TEAD1: variants seen among roughly 807,000 people sequenced by gnomAD.
TEAD1 encodes the protein TEA domain transcription factor 1.
TEAD1 carries 9 observed loss-of-function variants against 54.9 expected under a neutral mutation model. That is an observed-to-expected ratio of 0.16 (90% confidence interval 0.10 to 0.29). The LOEUF (loss-of-function observed/expected upper bound fraction) is 0.29, where lower values mean the gene tolerates loss of function less well. Among genes scored for constraint, TEAD1 ranks in the 10% least tolerant of loss-of-function variants. TEAD1 has a pLI of 1.00. For missense variants in TEAD1, 387 were observed against 535.9 expected (o/e 0.72, Z 2.74); for synonymous variants, 200 against 187.8 (o/e 1.07, Z -0.53).
chr11:12,871,531 T>C (rs1462334350), intron 5 of TEAD1, among the ~76,000 whole-genome samples: 2 of 152,232 alleles, frequency 1.3e-5, no homozygotes, highest in Non-Finnish European at 2.9e-5. Context: ...TAGAGTTCCA[T>C]GCAGGAGTCT....
chr11:12,932,421 G>C (rs923202679), intron 12 of TEAD1, among the ~76,000 whole-genome samples: 14 of 152,046 alleles, frequency 9.2e-5, no homozygotes, highest in African/African-American at 3.1e-4. Flanking sequence ...TCTTGGGGGG[G>C]AGTCTTAGCT....
chr11:12,745,004 G>A (rs1456770257), intron 2 of TEAD1, among the ~76,000 whole-genome samples: 4 of 152,108 alleles, frequency 2.6e-5, no homozygotes, highest in Admixed American at 1.3e-4. Context: ...AAGGTTACCT[G>A]TGGCTCTCCA....
intron 3 of TEAD1, among the ~76,000 whole-genome samples, chr11:12,831,920 A>C (rs1946792216): frequency 6.6e-6 from 1 of 152,120 alleles, no homozygotes; most frequent in Non-Finnish European, 1.5e-5. Flanking sequence ...TGCACTTTTA[A>C]TTGATATGCC....
intron 3 of TEAD1, among the ~76,000 whole-genome samples, chr11:12,842,670 C>A (rs1947064889): frequency 6.6e-6 from 1 of 152,088 alleles, no homozygotes; most frequent in South Asian, 2.1e-4. Context: ...AAGGCCGTTT[C>A]CTTTTTTTCA....
chr11:12,734,870 G>A (rs1944496466), intron 2 of TEAD1, among the ~76,000 whole-genome samples: 1 of 152,138 alleles, frequency 6.6e-6, no homozygotes, highest in South Asian at 2.1e-4. Context: ...ACATGTGACT[G>A]CACATAAACA....
At chr11:12,897,490 A>G (rs919214664) in intron 9 of TEAD1, among the ~76,000 whole-genome samples, 1 of 152,206 alleles carries the variant, frequency 6.6e-6, no homozygotes, top group African/African-American at 2.4e-5. Context: ...GTTTGTTTCA[A>G]TGCTGTGGTC....
At chr11:12,805,274 G>A (rs1946146092) in intron 3 of TEAD1, among the ~76,000 whole-genome samples, 1 of 152,166 alleles carries the variant, frequency 6.6e-6, no homozygotes, top group African/African-American at 2.4e-5. Flanking sequence ...GAACATGCCT[G>A]CTTTATATTG....
chr11:12,854,407 G>GGGTA (rs1340816014), intron 3 of TEAD1, among the ~76,000 whole-genome samples: 2 of 152,088 alleles, frequency 1.3e-5, no homozygotes, highest in African/African-American at 4.8e-5. Context: ...GGTAGTAGAG[G>GGGTA]GGTAGGCACA....
chr11:12,830,583 G>T (rs1006779271), intron 3 of TEAD1, among the ~76,000 whole-genome samples: 1 of 152,062 alleles, frequency 6.6e-6, no homozygotes, highest in Non-Finnish European at 1.5e-5. Context: ...CTTTGTTCTT[G>T]AGTGCCTGCT....
chr11:12,884,070 A>G (rs1472741328), intron 9 of TEAD1, among the ~76,000 whole-genome samples: 1 of 151,786 alleles, frequency 6.6e-6, no homozygotes, highest in Admixed American at 6.6e-5. Flanking sequence ...TTATAATATC[A>G]TAAATACCAG....
chr11:12,686,357 T>TAG (rs1302615030), intron 2 of TEAD1, among the ~76,000 whole-genome samples: 1 of 152,158 alleles, frequency 6.6e-6, no homozygotes, highest in African/African-American at 2.4e-5. Context: ...ACAGCTACAA[T>TAG]AGAGGGGAAT....
chr11:12,730,694 CTTTTTTTTTTTT>C (rs71313457), intron 2 of TEAD1, among the ~76,000 whole-genome samples: 41 of 65,666 alleles, frequency 6.2e-4, no homozygotes, highest in African/African-American at 1.9e-3. Context: ...CTACATAGCT[CTTTTTTTTTTTT>C]TTTTTTTTTT....
intron 3 of TEAD1, among the ~76,000 whole-genome samples, chr11:12,857,559 C>CAT (rs1364968170): frequency 2.3e-5 from 3 of 132,256 alleles, no homozygotes; most frequent in Non-Finnish European, 4.6e-5. Context: ...CTGAATCAAG[C>CAT]ATCTCTCTCT....
intron 3 of TEAD1, among the ~76,000 whole-genome samples, chr11:12,776,547 G>C (rs1325881149): frequency 6.6e-6 from 1 of 151,610 alleles, no homozygotes; most frequent in Non-Finnish European, 1.5e-5. Flanking sequence ...AAAAACACTG[G>C]GTACTTTACA....
chr11:12,827,381 GA>G (rs1946678022), intron 3 of TEAD1, among the ~76,000 whole-genome samples: 1 of 152,188 alleles, frequency 6.6e-6, no homozygotes, highest in Admixed American at 6.5e-5. Context: ...TGAAGTTATA[GA>G]ATCATATTCA....
intron 3 of TEAD1, among the ~76,000 whole-genome samples, chr11:12,792,490 T>C (rs1048645736): frequency 6.6e-6 from 1 of 152,206 alleles, no homozygotes; most frequent in Non-Finnish European, 1.5e-5. Context: ...TGTTTATTCA[T>C]GTCTGTATGC....
chr11:12,817,842 C>G (rs890855253), intron 3 of TEAD1, among the ~76,000 whole-genome samples: 3 of 152,314 alleles, frequency 2.0e-5, no homozygotes, highest in African/African-American at 7.2e-5. Flanking sequence ...AAACACAGTC[C>G]TCTGACTCAT....
At position 12,943,157 on chromosome 11, in the gene TEAD1, T is replaced by C. The variant is rs894217651; in HGVS notation, c.*5935T>C. The C allele has an allele frequency of 3.9e-5, 6 of 152,212 alleles. No individual in the cohort carries two copies. The highest frequency in any genetic ancestry group is 7.3e-5 in the Non-Finnish European group (5 of 68,042). The allele number at this position is 152,212 out of a possible 1,614,324, so 9.4% of individuals were successfully genotyped here. ...AATTTTAGGAGTGATTCTTATCCAC[T>C]CCAAGTTGTAAGTATTTGTAGAAAT... On this transcript the variant is annotated 3_prime_UTR_variant, in exon 13 of 13. Coordinates refer to ENST00000527636, the MANE Select transcript of TEAD1 (RefSeq NM_021961.6).
intron 5 of TEAD1, among the ~76,000 whole-genome samples, chr11:12,870,744 G>C (rs761082208): frequency 6.6e-6 from 1 of 152,108 alleles, no homozygotes; most frequent in Non-Finnish European, 1.5e-5. Context: ...AAATTAGCCA[G>C]GTATGGCAGT....
Sources: allele counts gnomAD v4.1 joint callset (sites outside exome capture counted in the v4.1 genomes callset), GRCh38; gene constraint gnomAD v4.1.1; transcripts MANE v1.5; gene names NCBI Gene and HGNC (gene_info 2026-07-23, HGNC 2026-07-21).